The following SLC25A21 variants were observed in gnomAD, a reference collection of about 807,000 sequenced individuals.
SLC25A21 encodes the protein mitochondrial 2-oxodicarboxylate carrier.
A neutral mutation model predicts 43.8 loss-of-function variants in SLC25A21; 47 were observed. The ratio of observed to expected loss-of-function variants is 1.07; its 90% CI spans 0.85 to 1.37. The LOEUF (loss-of-function observed/expected upper bound fraction) is 1.37. Ranked by LOEUF, SLC25A21 falls within the 40% of genes most tolerant of loss-of-function variation. The pLI is 0.00. For synonymous variants in SLC25A21, 131 were observed against 121.3 expected (o/e 1.08, Z -0.52); for missense variants, 352 against 350.2 (o/e 1.00, Z -0.04).
At chr14:36,785,633 C>T (rs945127640) in intron 3 of SLC25A21, among the ~76,000 whole-genome samples, 15 of 152,190 alleles carry the variant, frequency 9.9e-5, no homozygotes, top group African/African-American at 3.6e-4. Flanking sequence ...ATCAGTGTGT[C>T]AGCATCCTGC....
At chr14:36,720,374 G>T (rs1884325843) in intron 6 of SLC25A21, among the ~76,000 whole-genome samples, 1 of 152,176 alleles carries the variant, frequency 6.6e-6, no homozygotes, top group South Asian at 2.1e-4. Context: ...CCCAAAATAT[G>T]CTGTGTAGGA....
intron 3 of SLC25A21, among the ~76,000 whole-genome samples, chr14:36,768,986 T>C (rs1886519729): frequency 6.6e-6 from 1 of 152,022 alleles, no homozygotes; most frequent in African/African-American, 2.4e-5. Context: ...TCTATATCTG[T>C]ATCTATATTT....
At chr14:36,762,137 G>T (rs1012607974) in intron 3 of SLC25A21, among the ~76,000 whole-genome samples, 1 of 152,210 alleles carries the variant, frequency 6.6e-6, no homozygotes, top group African/African-American at 2.4e-5. Flanking sequence ...TCTTATGGAA[G>T]TGAGGTGCTA....
intron 1 of SLC25A21, among the ~76,000 whole-genome samples, chr14:37,050,758 A>C (rs1961686039): frequency 6.6e-6 from 1 of 152,198 alleles, no homozygotes; most frequent in South Asian, 2.1e-4. Flanking sequence ...AGTACTTCTC[A>C]GATCCAAGGT....
chr14:37,103,769 G>A (rs1962860931), intron 1 of SLC25A21, among the ~76,000 whole-genome samples: 1 of 152,110 alleles, frequency 6.6e-6, no homozygotes, highest in Non-Finnish European at 1.5e-5. Context: ...AAATATCATG[G>A]CACACAACAG....
chr14:37,049,590 A>AT (rs1310350919), intron 1 of SLC25A21, among the ~76,000 whole-genome samples: 1 of 152,152 alleles, frequency 6.6e-6, no homozygotes, highest in Non-Finnish European at 1.5e-5. Context: ...AAGGAATAAC[A>AT]TATCATAGAA....
intron 1 of SLC25A21, among the ~76,000 whole-genome samples, chr14:37,013,604 T>C (rs982890039): frequency 2.0e-5 from 3 of 152,130 alleles, no homozygotes; most frequent in Non-Finnish European, 4.4e-5. Context: ...ACACCTAATA[T>C]TTTGTTAGTG....
intron 2 of SLC25A21, among the ~76,000 whole-genome samples, chr14:36,840,381 T>A (rs1355934865): frequency 6.6e-6 from 1 of 152,236 alleles, no homozygotes; most frequent in Non-Finnish European, 1.5e-5. Context: ...ATCTTTTGAA[T>A]GAATTGTTTC....
chr14:36,811,024 G>A (rs1476987897), intron 3 of SLC25A21, among the ~76,000 whole-genome samples: 1 of 151,828 alleles, frequency 6.6e-6, no homozygotes, highest in South Asian at 2.1e-4. Flanking sequence ...GGGGAGGTTT[G>A]GGGATAGGGT....
chr14:37,133,145 A>ACG (rs774325625), intron 1 of SLC25A21, among the ~76,000 whole-genome samples: 2 of 115,010 alleles, frequency 1.7e-5, no homozygotes, highest in Non-Finnish European at 3.7e-5. Flanking sequence ...GCACTCGTGC[A>ACG]CACACACACA....
intron 1 of SLC25A21, among the ~76,000 whole-genome samples, chr14:36,933,302 T>G (rs1892340048): frequency 6.6e-6 from 1 of 152,116 alleles, no homozygotes; most frequent in Non-Finnish European, 1.5e-5. Flanking sequence ...AAAATGAATC[T>G]TCTTTCGATT....
intron 3 of SLC25A21, among the ~76,000 whole-genome samples, chr14:36,742,556 T>C (rs2139243047): frequency 6.6e-6 from 1 of 152,256 alleles, no homozygotes; most frequent in African/African-American, 2.4e-5. Context: ...TTCACAAAAT[T>C]GCATGCATCT....
At position 36,801,989 on chromosome 14, in the gene SLC25A21, C is replaced by T. The variant is rs117418576; in HGVS notation, c.203+11929G>A. Among the ~76,000 whole-genome samples, 113 of 152,230 alleles carry T rather than the reference C, an allele frequency of 7.4e-4. No individual in the cohort carries two copies. The East Asian group carries it at 0.019, about 26-fold the overall frequency. On this transcript the variant is annotated intron_variant, in intron 3 of 9. Transcript: ENST00000331299. ...CATCATTTGCCAGCGGCGAAGTGCC[C>T]GAATCTAAAAACTACATGCCAAAAT...
chr14:36,874,844 C>T (rs1210204674), intron 2 of SLC25A21, 112 bp downstream of exon 2: 1 of 724,248 alleles, frequency 1.4e-6, no homozygotes, highest in Non-Finnish European at 2.3e-6. Context: ...ATATAACTGC[C>T]ATTACAGAGA....
chr14:36,883,433 G>A (rs1202493333), intron 1 of SLC25A21, among the ~76,000 whole-genome samples: 1 of 152,168 alleles, frequency 6.6e-6, no homozygotes, highest in Non-Finnish European at 1.5e-5. Flanking sequence ...GCCCAGCACT[G>A]ATAAATGTCT....
At chr14:37,115,502 C>T (rs1166649641) in intron 1 of SLC25A21, among the ~76,000 whole-genome samples, 1 of 152,198 alleles carries the variant, frequency 6.6e-6, no homozygotes, top group Non-Finnish European at 1.5e-5. Context: ...TTTTTAATCT[C>T]ATTCCAGCAT....
At chr14:36,875,107 T>G (rs1890482575) in intron 1 of SLC25A21, 103 bp from the exon 2 acceptor site, 1 of 855,686 alleles carries the variant, frequency 1.2e-6, no homozygotes, top group Non-Finnish European at 1.8e-6. Context: ...GATAAAGAAC[T>G]TGGGACTTCG....
rs1384086757 is a variant in SLC25A21, at chr14:37,040,373, G to GAGAGAGAAAGAAAGAA, written c.70+131907_70+131908insTTCTTTCTTTCTCTCT. On this transcript the variant is annotated intron_variant, in intron 1 of 9. Coordinates refer to ENST00000331299, the MANE Select transcript of SLC25A21 (RefSeq NM_030631.4). ...GGAAGGAAAGAAAGAGAGAGAGAGA[G>GAGAGAGAAAGAAAGAA]AGAAAGAAAGAAAGAAAGAAAGAAA... Among the ~76,000 whole-genome samples, 10 of 20,944 alleles carry GAGAGAGAAAGAAAGAA rather than the reference G, an allele frequency of 4.8e-4. No homozygotes were observed. In the East Asian group the frequency reaches 5.2e-3, roughly 11 times the overall value. The allele number at this position is 20,944 out of a possible 152,430, so 13.7% of individuals were successfully genotyped here. A position where few individuals can be genotyped will look rare whatever the true frequency, so the allele number is the denominator to read the frequency against.
chr14:37,006,364 C>T (rs543198681), intron 1 of SLC25A21, among the ~76,000 whole-genome samples: 1 of 152,036 alleles, frequency 6.6e-6, no homozygotes, highest in South Asian at 2.1e-4. Context: ...AAGTATGAGT[C>T]CTATTTTCCT....
Sources: gnomAD v4.1 joint callset for allele counts (sites outside exome capture counted in the v4.1 genomes callset) on GRCh38, gnomAD v4.1.1 for gene constraint, MANE v1.5 for transcripts, NCBI Gene and HGNC (gene_info 2026-07-23, HGNC 2026-07-21) for gene names.